The following SLIRP variants were observed in gnomAD, a reference collection of about 807,000 sequenced individuals.
SLIRP encodes SRA stem-loop interacting RNA binding protein, also known as SRA stem-loop-interacting RNA-binding protein, mitochondrial.
SLIRP carries 12 observed loss-of-function variants against 13.4 expected under a neutral mutation model. The ratio of observed to expected loss-of-function variants is 0.89; its 90% CI spans 0.57 to 1.45. SLIRP has a LOEUF of 1.45. SLIRP is among the 40% of genes most tolerant of loss of function. The pLI is 0.00. For missense variants in SLIRP, 154 were observed against 132.2 expected (o/e 1.17, Z -0.81); for synonymous variants, 55 against 47.1 (o/e 1.17, Z -0.69).
chr14:77,710,627 A>G, intron 1 of SLIRP: 1 of 1,521,084 alleles, frequency 6.6e-7, no homozygotes, highest in Non-Finnish European at 8.8e-7. Context: ...GACTGCAGCC[A>G]ACTCAACAAC....
intron 3 of SLIRP, 104 bp downstream of exon 3, chr14:77,715,983 A>G (rs1489790281): frequency 2.1e-6 from 2 of 941,976 alleles, no homozygotes; most frequent in African/African-American, 1.7e-5. Flanking sequence ...GGGGACTTGG[A>G]GAGATTTGTA....
At chr14:77,715,078 T>C (rs2080466261) in intron 2 of SLIRP, among the ~76,000 whole-genome samples, 1 of 152,162 alleles carries the variant, frequency 6.6e-6, no homozygotes, top group Non-Finnish European at 1.5e-5. Flanking sequence ...GTGGTGGTGG[T>C]GAGGGTGACT....
chr14:77,711,178 CAT>C (rs953674876), intron 2 of SLIRP, among the ~76,000 whole-genome samples: 6 of 149,292 alleles, frequency 4.0e-5, no homozygotes, highest in African/African-American at 1.5e-4. Context: ...CAAAACATCT[CAT>C]GTACTCCATA....
At chr14:77,716,159 A>G (rs962692711) in intron 3 of SLIRP, 3 of 207,370 alleles carry the variant, frequency 1.4e-5, no homozygotes, top group African/African-American at 7.0e-5. Context: ...TACTAAAAAT[A>G]CAAAAAATTA....
Position 77,715,813 on chromosome 14 carries a change from G to A in SLIRP, c.198G>A (p.Gln66=). 2 of 1,614,104 alleles carry A rather than the reference G, an allele frequency of 1.2e-6. No homozygotes were observed. Among genetic ancestry groups the A allele is most frequent in the East Asian group, 4.5e-5 (2 of 44,870 alleles). Reference sequence around the variant, plus strand: ...TTCACAGAGGTTTGGGTTGGGTTCAGTTTTCTTCAGAAGAAGGACTTCGGA... The same window carrying A: ...TTCACAGAGGTTTGGGTTGGGTTCAATTTTCTTCAGAAGAAGGACTTCGGA... The part of the protein sequence containing the change: ...TGFHRGLGWV[Q]FSSEEGLRNA... Residue 66 remains glutamine, a synonymous_variant, in exon 3 of 4, where the codon CAG becomes CAA. Coordinates refer to ENST00000557342, the MANE Select transcript of SLIRP (RefSeq NM_031210.6).
intron 1 of SLIRP, among the ~76,000 whole-genome samples, chr14:77,708,559 A>G (rs2080414573): frequency 1.3e-5 from 2 of 152,242 alleles, no homozygotes; most frequent in South Asian, 4.1e-4. Context: ...AGGCAATTTC[A>G]TTAATTTACT....
chr14:77,711,310 G>GA (rs202042011), intron 2 of SLIRP, among the ~76,000 whole-genome samples: 5,424 of 149,962 alleles, frequency 0.036, 148 homozygotes, highest in South Asian at 0.054. Flanking sequence ...AAAAATTGTT[G>GA]AAAAAAAAGC....
At chr14:77,716,818 A>G (rs1487528093) in intron 3 of SLIRP, among the ~76,000 whole-genome samples, 1 of 151,756 alleles carries the variant, frequency 6.6e-6, no homozygotes, top group African/African-American at 2.4e-5. Context: ...CTAGAGTGCA[A>G]TGGTGCAATC....
chr14:77,714,466 A>G (rs1188265530), intron 2 of SLIRP, among the ~76,000 whole-genome samples: 2 of 152,126 alleles, frequency 1.3e-5, no homozygotes, highest in African/African-American at 4.8e-5. Flanking sequence ...ACACCCAGCT[A>G]ATTTTTGTAT....
intron 3 of SLIRP, among the ~76,000 whole-genome samples, chr14:77,717,146 C>G (rs2080491866): frequency 1.3e-5 from 2 of 151,930 alleles, no homozygotes; most frequent in Non-Finnish European, 2.9e-5. Context: ...AACTGATTTA[C>G]TATTTTATTT....
chr14:77,708,929 A>C (rs909887970), intron 1 of SLIRP, among the ~76,000 whole-genome samples: 1 of 152,186 alleles, frequency 6.6e-6, no homozygotes, highest in Non-Finnish European at 1.5e-5. Flanking sequence ...TATCACTTGA[A>C]TAACTGAAGT....
rs756433004 is a variant in SLIRP at position 77,715,901 on chromosome 14, A to C, written c.264+22A>C. 3.1e-5 allele frequency: 48 copies of C among 1,533,778 alleles called. No individual in the cohort carries two copies. In the Admixed American group the frequency reaches 7.2e-4, roughly 23 times the overall value. On this transcript the variant is annotated intron_variant, in intron 3 of 3. Transcript: ENST00000557342. ...AAAGGTAAATTTATTTCTATGCCAG[A>C]TACATACATGATATACATGTAGGTA...
chr14:77,713,985 GTTCCA>G, intron 2 of SLIRP, among the ~76,000 whole-genome samples: 1 of 151,344 alleles, frequency 6.6e-6, no homozygotes. Context: ...ATATTTTTTT[GTTCCA>G]TTCATTGTAC....
chr14:77,709,959 C>T (rs1244796855), intron 1 of SLIRP, among the ~76,000 whole-genome samples: 1 of 152,062 alleles, frequency 6.6e-6, no homozygotes, highest in Non-Finnish European at 1.5e-5. Context: ...GGTTTATATG[C>T]TGAGGGAGCT....
chr14:77,716,657 A>AG (rs2080484331), intron 3 of SLIRP, among the ~76,000 whole-genome samples: 1 of 151,728 alleles, frequency 6.6e-6, no homozygotes, highest in South Asian at 2.1e-4. Flanking sequence ...AAAAAAAAAA[A>AG]AAAAAAATGG....
intron 1 of SLIRP, among the ~76,000 whole-genome samples, chr14:77,709,642 T>C (rs1170977295): frequency 1.3e-5 from 2 of 152,256 alleles, no homozygotes; most frequent in African/African-American, 4.8e-5. Context: ...TTGTTCTTGG[T>C]GCTTGCAGCT....
chr14:77,713,115 ATAAG>A (rs796895547), intron 2 of SLIRP, among the ~76,000 whole-genome samples: 3 of 152,352 alleles, frequency 2.0e-5, no homozygotes, highest in African/African-American at 4.8e-5. Context: ...CAGTATTCTA[ATAAG>A]GACTTGAGAT....
chr14:77,715,501 C>G (rs1265567098), intron 2 of SLIRP, among the ~76,000 whole-genome samples: 1 of 151,726 alleles, frequency 6.6e-6, no homozygotes, highest in East Asian at 1.9e-4. Flanking sequence ...AAAAATGAGG[C>G]AGACATGGTG....
chr14:77,715,842 C>T lies in SLIRP; in HGVS notation c.227C>T (p.Ala76Val). Residue 76 changes from alanine (A) to valine (V), a missense_variant, in exon 3 of 4, where the codon GCA becomes GTA. Transcript: ENST00000557342. ...TCTTCAGAAGAAGGACTTCGGAATG[C>T]ACTACAACAGGAAAATCATATTATA... is the stretch of plus-strand genomic sequence containing the variant. ...QFSSEEGLRN[A>V]LQQENHIIDG... The T allele has an allele frequency of 1.2e-6, 2 of 1,613,950 alleles. No individual in the cohort carries two copies. The highest frequency in any genetic ancestry group is 2.2e-5 in the South Asian group (2 of 91,074).
Sources: allele counts gnomAD v4.1 joint callset (sites outside exome capture counted in the v4.1 genomes callset), GRCh38; gene constraint gnomAD v4.1.1; transcripts MANE v1.5; gene names NCBI Gene and HGNC (gene_info 2026-07-23, HGNC 2026-07-21).